NUP93: variants seen among roughly 807,000 people sequenced by gnomAD.
The protein encoded by NUP93 is nucleoporin 93, also known as nuclear pore complex protein Nup93.
In NUP93, 55 loss-of-function variants were observed where a neutral mutation model predicts 107.8. The ratio of observed to expected loss-of-function variants is 0.51; its 90% CI spans 0.41 to 0.64. The LOEUF (loss-of-function observed/expected upper bound fraction) is 0.64. NUP93 is among the 30% of genes least tolerant of loss of function. NUP93 has a pLI of 0.00. For synonymous variants in NUP93, 390 were observed against 397.5 expected, an observed-to-expected ratio of 0.98 and a Z score of 0.22; for missense variants, 937 against 1,044.7, an observed-to-expected ratio of 0.90 and a Z score of 1.42.
At chr16:56,826,514 TAA>T (rs35715417) in intron 8 of NUP93, among the ~76,000 whole-genome samples, 4,859 of 128,176 alleles carry the variant, frequency 0.038, 106 homozygotes, top group South Asian at 0.067. Flanking sequence ...AGACTCCGTC[TAA>T]AAAAAAAAAA....
In NUP93 at chr16:56,748,370, G is replaced by A. The variant is rs746402011; in HGVS notation, c.123G>A (p.Glu41=). ...TACAGGAGATCCAGCAGGCGGGAGA[G>A]CGCCTGCGTTCCCGTACCCTAACAC... ...RNLQEIQQAG[E]RLRSRTLTRT... The change falls in exon 2 of 22, where the codon GAG becomes GAA. Residue 41 remains glutamate, a synonymous_variant. Coordinates refer to ENST00000308159, the MANE Select transcript of NUP93 (RefSeq NM_014669.5). The A allele has an allele frequency of 1.2e-6, 2 of 1,613,876 alleles. No individual in the cohort carries two copies. The highest frequency in any genetic ancestry group is 2.7e-5 in the African/African-American group (2 of 74,922).
In NUP93 at chr16:56,841,704, G is replaced by A; in HGVS notation, c.2221-1G>A. On this transcript the variant is annotated splice_acceptor_variant, in intron 20 of 21. Transcript: ENST00000308159. LOFTEE classifies it high-confidence loss of function. ...TTTACTCTGTTTTTCTCTCTATGTA[G>A]ATCAGGCACAACCTCTCAGAAGTGC... 1 of 1,613,976 alleles carries A rather than the reference G, an allele frequency of 6.2e-7. No homozygotes were observed. The highest frequency in any genetic ancestry group is 8.5e-7 in the Non-Finnish European group (1 of 1,179,920).
intron 2 of NUP93, among the ~76,000 whole-genome samples, chr16:56,758,057 T>G (rs1259280435): frequency 1.4e-5 from 2 of 145,954 alleles, no homozygotes; most frequent in African/African-American, 2.6e-5. Context: ...GACGACAGAG[T>G]GACACTCTGT....
At chr16:56,757,925 A>C (rs2144480834) in intron 2 of NUP93, among the ~76,000 whole-genome samples, 1 of 152,278 alleles carries the variant, frequency 6.6e-6, no homozygotes, top group South Asian at 2.1e-4. Context: ...CGGAGGCTGT[A>C]AGTGTAGGAT....
At chr16:56,733,849 T>C (rs1261585558) in intron 1 of NUP93, among the ~76,000 whole-genome samples, 1 of 152,234 alleles carries the variant, frequency 6.6e-6, no homozygotes, top group Non-Finnish European at 1.5e-5. Context: ...TACTTTTTTA[T>C]AGCTTCAACT....
intron 3 of NUP93, among the ~76,000 whole-genome samples, chr16:56,766,616 C>G (rs572076503): frequency 1.2e-4 from 19 of 152,322 alleles, no homozygotes; most frequent in African/African-American, 4.3e-4. Flanking sequence ...GATGGCAGCC[C>G]TTTACCCATG....
chr16:56,764,433 T>A (rs1192469359), intron 3 of NUP93, among the ~76,000 whole-genome samples: 1 of 152,146 alleles, frequency 6.6e-6, no homozygotes, highest in African/African-American at 2.4e-5. Flanking sequence ...GAGGTTGTGG[T>A]GAGCTGAGAT....
chr16:56,836,827 G>A, intron 17 of NUP93, 110 bp downstream of exon 17: 1 of 680,308 alleles, frequency 1.5e-6, no homozygotes, highest in Admixed American at 2.5e-5. Flanking sequence ...TCCCTGCAGA[G>A]GCATTTGCTC....
At chr16:56,795,926 C>T (rs1401856432) in intron 3 of NUP93, among the ~76,000 whole-genome samples, 2 of 152,128 alleles carry the variant, frequency 1.3e-5, no homozygotes, top group Admixed American at 6.5e-5. Context: ...TGATTACAGA[C>T]GTGAGCCACC....
intron 5 of NUP93, among the ~76,000 whole-genome samples, chr16:56,817,155 G>C (rs1384901731): frequency 6.6e-6 from 1 of 152,142 alleles, no homozygotes; most frequent in Non-Finnish European, 1.5e-5. Flanking sequence ...CAGAGCTGAG[G>C]GGACCTCTCA....
chr16:56,763,113 A>C (rs1325453981), intron 3 of NUP93, among the ~76,000 whole-genome samples: 4 of 152,180 alleles, frequency 2.6e-5, no homozygotes, highest in Admixed American at 6.5e-5. Context: ...CAGAAATTTT[A>C]AAACTGTTAC....
chr16:56,773,514 C>T (rs190395971), intron 3 of NUP93, among the ~76,000 whole-genome samples: 33 of 152,306 alleles, frequency 2.2e-4, no homozygotes, highest in Non-Finnish European at 1.6e-4. Flanking sequence ...TCCTCCATTC[C>T]TCTCCTGCCC....
chr16:56,744,968 A>C (rs572221874), intron 1 of NUP93, among the ~76,000 whole-genome samples: 5 of 152,304 alleles, frequency 3.3e-5, no homozygotes, highest in Non-Finnish European at 7.3e-5. Context: ...CCTCCTATTC[A>C]TTCAAAAAAT....
At chr16:56,819,637 G>A (rs1963503662) in intron 6 of NUP93, among the ~76,000 whole-genome samples, 1 of 152,218 alleles carries the variant, frequency 6.6e-6, no homozygotes, top group African/African-American at 2.4e-5. Context: ...ATGGAGGTGA[G>A]CAGGGGACAG....
chr16:56,830,773 G>A (rs1457144854), intron 10 of NUP93, 88 bp downstream of exon 10: 6 of 1,268,890 alleles, frequency 4.7e-6, no homozygotes, highest in Non-Finnish European at 6.2e-6. Flanking sequence ...TTCCCTGGAC[G>A]GGCCCAAAAC....
chr16:56,839,384 G>A, intron 19 of NUP93, 137 bp from the exon 20 acceptor site: 1 of 598,220 alleles, frequency 1.7e-6, no homozygotes, highest in Non-Finnish European at 2.9e-6. Flanking sequence ...TAGAATCAAA[G>A]CCTTTGTGTG....
intron 5 of NUP93, among the ~76,000 whole-genome samples, chr16:56,811,284 T>C (rs1963310336): frequency 6.6e-6 from 1 of 152,254 alleles, no homozygotes; most frequent in Admixed American, 6.5e-5. Context: ...GTTTTCTGTC[T>C]TTTTAAATTT....
intron 3 of NUP93, among the ~76,000 whole-genome samples, chr16:56,761,738 T>G (rs1489974236): frequency 6.6e-6 from 1 of 152,202 alleles, no homozygotes; most frequent in Non-Finnish European, 1.5e-5. Flanking sequence ...CTTATAAGCT[T>G]AAAGGCATTT....
Position 56,844,950 on chromosome 16 carries a change from A to G in NUP93, c.*341A>G, listed in dbSNP as rs1186053022. 2.8e-6 allele frequency: 1 copy of G among 356,582 alleles called. No individual in the cohort carries two copies. The highest frequency in any genetic ancestry group is 4.0e-5 in the East Asian group (1 of 24,728). The allele number at this position is 356,582 out of a possible 1,614,324, so 22.1% of individuals were successfully genotyped here. On this transcript the variant is annotated 3_prime_UTR_variant, in exon 22 of 22. Transcript: ENST00000308159. ...AAATCTACCCAAAATGAGCCAGGAA[A>G]CAAAGCCTTTGGGAGTTACTTTTAT...
Sources: allele counts gnomAD v4.1 joint callset (sites outside exome capture counted in the v4.1 genomes callset), GRCh38; gene constraint gnomAD v4.1.1; transcripts MANE v1.5; gene names NCBI Gene and HGNC (gene_info 2026-07-23, HGNC 2026-07-21).